GRIK2: variants seen among roughly 807,000 people sequenced by gnomAD.
GRIK2 encodes the protein glutamate receptor ionotropic, kainate 2.
GRIK2 carries 32 observed loss-of-function variants against 100.3 expected under a neutral mutation model. That is an observed-to-expected ratio of 0.32 (90% CI 0.24 to 0.43). GRIK2 has a LOEUF of 0.43. Ranked by LOEUF, GRIK2 falls within the 20% of genes least tolerant of loss-of-function variation. GRIK2 has a pLI of 1.00. For missense variants in GRIK2, 843 were observed against 1,114.9 expected, an observed-to-expected ratio of 0.76 and a Z score of 3.47; for synonymous variants, 417 against 389.4, an observed-to-expected ratio of 1.07 and a Z score of -0.83.
At chr6:101,583,693 T>A (rs1416900387) in intron 2 of GRIK2, among the ~76,000 whole-genome samples, 3 of 152,130 alleles carry the variant, frequency 2.0e-5, no homozygotes, top group African/African-American at 7.2e-5. Context: ...AGTAGCCCAT[T>A]GTTATATTTT....
At chr6:101,419,073 TCTTA>T (rs1317371906) in intron 2 of GRIK2, among the ~76,000 whole-genome samples, 3 of 152,224 alleles carry the variant, frequency 2.0e-5, no homozygotes, top group Non-Finnish European at 2.9e-5. Flanking sequence ...CTAATCTTCC[TCTTA>T]CTTACTCTTA....
rs1790156224 is a variant in GRIK2 at position 101,929,987 on chromosome 6, G to T, written c.2085+1355G>T. ...GATCAGTTTTTCTTAATTGAATATTGAGAATTTATAAGATTTCCTTTCTTA... is the reference window on the plus strand; with the variant it reads ...GATCAGTTTTTCTTAATTGAATATTTAGAATTTATAAGATTTCCTTTCTTA... On this transcript the variant is annotated intron_variant, in intron 14 of 16. Transcript: ENST00000369134. 4.0e-5 allele frequency among the ~76,000 whole-genome samples: 6 copies of T among 151,710 alleles called. No individual in the cohort carries two copies. In the South Asian group the frequency reaches 1.2e-3, roughly 32 times the overall value.
chr6:101,661,655 A>T (rs1769623166), intron 4 of GRIK2, among the ~76,000 whole-genome samples: 1 of 152,056 alleles, frequency 6.6e-6, no homozygotes, highest in Non-Finnish European at 1.5e-5. Flanking sequence ...CTGTGGGAAA[A>T]GCATAGTATC....
chr6:102,047,849 GA>G (rs1372137820), intron 15 of GRIK2, among the ~76,000 whole-genome samples: 6 of 151,764 alleles, frequency 4.0e-5, no homozygotes, highest in Non-Finnish European at 8.8e-5. Flanking sequence ...ATAAAAAATA[GA>G]AAAGCAATCC....
intron 2 of GRIK2, among the ~76,000 whole-genome samples, chr6:101,586,724 A>T (rs903393516): frequency 6.6e-6 from 1 of 151,518 alleles, no homozygotes; most frequent in African/African-American, 2.4e-5. Flanking sequence ...AAATTAAAAA[A>T]AAAACAAATT....
At chr6:101,575,722 T>A (rs564832514) in intron 2 of GRIK2, among the ~76,000 whole-genome samples, 5 of 152,088 alleles carry the variant, frequency 3.3e-5, no homozygotes, top group Non-Finnish European at 7.4e-5. Context: ...AGCTTTATAA[T>A]CTTTACACCG....
chr6:102,020,672 G>A (rs1769378176), intron 14 of GRIK2, among the ~76,000 whole-genome samples: 1 of 151,818 alleles, frequency 6.6e-6, no homozygotes, highest in African/African-American at 2.4e-5. Context: ...CCTAGGTGAA[G>A]GTTCGAAAGC....
At chr6:101,990,558 T>C (rs987452074) in intron 14 of GRIK2, among the ~76,000 whole-genome samples, 1 of 151,604 alleles carries the variant, frequency 6.6e-6, no homozygotes, top group Non-Finnish European at 1.5e-5. Context: ...AAACTTAGCA[T>C]GAGAGAGACA....
intron 9 of GRIK2, among the ~76,000 whole-genome samples, chr6:101,811,010 ATC>A (rs1333277458): frequency 6.6e-6 from 1 of 152,080 alleles, no homozygotes; most frequent in East Asian, 1.9e-4. Context: ...TTTAATATAA[ATC>A]TCTTTCTTAT....
chr6:101,402,589 C>T (rs1489321499), intron 2 of GRIK2, among the ~76,000 whole-genome samples: 2 of 152,214 alleles, frequency 1.3e-5, no homozygotes, highest in East Asian at 1.9e-4. Context: ...GGGCGAGCCC[C>T]TGACATTGAG....
At chr6:101,536,103 GT>G (rs1775677146) in intron 2 of GRIK2, among the ~76,000 whole-genome samples, 1 of 151,488 alleles carries the variant, frequency 6.6e-6, no homozygotes, top group Non-Finnish European at 1.5e-5. Context: ...TTTCCCATTT[GT>G]TTCTTTGACA....
At chr6:101,682,042 T>C (rs1771294986) in intron 5 of GRIK2, among the ~76,000 whole-genome samples, 2 of 152,212 alleles carry the variant, frequency 1.3e-5, no homozygotes, top group African/African-American at 4.8e-5. Flanking sequence ...AAAACATTTC[T>C]TTAATTATAT....
chr6:101,872,665 T>C (rs1392174949), intron 11 of GRIK2, among the ~76,000 whole-genome samples: 1 of 151,838 alleles, frequency 6.6e-6, no homozygotes. Flanking sequence ...AATTCCCCCT[T>C]CCCATCCCCT....
chr6:101,420,087 T>A (rs1776340168), intron 2 of GRIK2, among the ~76,000 whole-genome samples: 1 of 152,208 alleles, frequency 6.6e-6, no homozygotes, highest in African/African-American at 2.4e-5. Flanking sequence ...ATCTGACAGA[T>A]GGCAGGTACA....
In GRIK2 at chr6:101,840,068, A is replaced by T. The variant is rs116212501; in HGVS notation, c.1318-19219A>T. 2.0e-3 allele frequency among the ~76,000 whole-genome samples: 298 copies of T among 152,272 alleles called. 3 individuals are homozygous for T. The highest frequency in any genetic ancestry group is 6.9e-3 in the African/African-American group (287 of 41,572). On this transcript the variant is annotated intron_variant, in intron 10 of 16. Transcript: ENST00000369134. ...CACATACGTGTTTCAGTACATTTACACTATTGGACATTTCTTTCTTCTCCT... is the reference window on the plus strand; with the variant it reads ...CACATACGTGTTTCAGTACATTTACTCTATTGGACATTTCTTTCTTCTCCT...
At chr6:101,484,884 CAAAT>C (rs1269325746) in intron 2 of GRIK2, among the ~76,000 whole-genome samples, 2 of 152,008 alleles carry the variant, frequency 1.3e-5, no homozygotes, top group African/African-American at 4.8e-5. Flanking sequence ...CTATTATTGA[CAAAT>C]AACTTAATCA....
intron 10 of GRIK2, among the ~76,000 whole-genome samples, chr6:101,834,465 G>A (rs1361259304): frequency 6.6e-6 from 1 of 151,788 alleles, no homozygotes; most frequent in Non-Finnish European, 1.5e-5. Context: ...ATCACTTAGT[G>A]GTAAGTTCAT....
At chr6:101,965,641 A>G (rs945932915) in intron 14 of GRIK2, among the ~76,000 whole-genome samples, 5 of 152,194 alleles carry the variant, frequency 3.3e-5, no homozygotes, top group African/African-American at 1.2e-4. Context: ...TGAATGACAC[A>G]ATAATGTATT....
At chr6:101,577,306 G>A (rs891495790) in intron 2 of GRIK2, among the ~76,000 whole-genome samples, 2 of 151,918 alleles carry the variant, frequency 1.3e-5, no homozygotes, top group African/African-American at 2.4e-5. Flanking sequence ...TCAGCAATAT[G>A]TCATAAAAAG....
Sources: allele counts gnomAD v4.1 joint callset (sites outside exome capture counted in the v4.1 genomes callset), GRCh38; gene constraint gnomAD v4.1.1; transcripts MANE v1.5; gene names NCBI Gene and HGNC (gene_info 2026-07-23, HGNC 2026-07-21).